PCDHA12: variants seen among roughly 807,000 people sequenced by gnomAD.
PCDHA12 encodes protocadherin alpha 12, also known as protocadherin alpha-12.
In PCDHA12, 44 loss-of-function variants were observed where a neutral mutation model predicts 60.0. The ratio of observed to expected loss-of-function variants is 0.73; its 90% CI spans 0.58 to 0.94. The LOEUF is 0.94. PCDHA12 is among the 40% of genes least tolerant of loss of function. The pLI is 0.00. For synonymous variants in PCDHA12, 569 were observed against 553.0 expected (o/e 1.03, Z -0.40); for missense variants, 1,276 against 1,239.7 (o/e 1.03, Z -0.44).
chr5:140,881,350 T>C, intron 1 of PCDHA12: 1 of 985,354 alleles, frequency 1.0e-6, no homozygotes, highest in Non-Finnish European at 1.2e-6. Flanking sequence ...CGGGCTACAA[T>C]GCGTGGCTTT....
At chr5:140,946,976 G>A (rs2094064804) in intron 1 of PCDHA12, among the ~76,000 whole-genome samples, 1 of 151,532 alleles carries the variant, frequency 6.6e-6, no homozygotes, top group Admixed American at 6.6e-5. Context: ...ATAGAATAGA[G>A]GATTTTGAGT....
chr5:140,893,709 G>T lies in PCDHA12; in HGVS notation c.2367+15870G>T, dbSNP rs141117049. ...ATCTCATTCTATCCTAGCCTGTAAA[G>T]CTTCTGCTGAGAAATCTGCTGTTAG... is the stretch of plus-strand genomic sequence containing the variant. On this transcript the variant is annotated intron_variant, in intron 1 of 3. Transcript: ENST00000398631. 2.6e-3 allele frequency among the ~76,000 whole-genome samples: 396 copies of T among 152,250 alleles called. 2 individuals carry two copies. Among genetic ancestry groups the T allele is most frequent in the African/African-American group, 9.2e-3 (384 of 41,542 alleles).
At chr5:140,970,332 G>A (rs1236073527) in intron 1 of PCDHA12, among the ~76,000 whole-genome samples, 12 of 152,138 alleles carry the variant, frequency 7.9e-5, no homozygotes, top group Admixed American at 2.6e-4. Flanking sequence ...TCCAAAGCAT[G>A]CATTCATTTT....
intron 1 of PCDHA12, among the ~76,000 whole-genome samples, chr5:140,942,264 G>T (rs868983277): frequency 5.9e-5 from 9 of 152,122 alleles, no homozygotes; most frequent in Non-Finnish European, 1.2e-4. Flanking sequence ...GATATCTAAA[G>T]CTGGTAATGG....
intron 1 of PCDHA12, among the ~76,000 whole-genome samples, chr5:140,963,771 G>A (rs2095789886): frequency 6.6e-6 from 1 of 152,164 alleles, no homozygotes; most frequent in South Asian, 2.1e-4. Context: ...ATTTCATGAC[G>A]ACAGCAACAA....
At chr5:140,943,688 G>A (rs2093547294) in intron 1 of PCDHA12, among the ~76,000 whole-genome samples, 1 of 152,170 alleles carries the variant, frequency 6.6e-6, no homozygotes. Context: ...AAGGGATAAG[G>A]TCAAAATATT....
In PCDHA12 at chr5:140,967,673, C is replaced by T. The variant is rs1563368144; in HGVS notation, c.2368-11276C>T. On this transcript the variant is annotated intron_variant, in intron 1 of 3. Transcript: ENST00000398631. ...CTCCTTGAGCAGCTACACGTCGGAC[C>T]GGGAGAGGCAGCTCTTCAGCATAGA... The T allele has an allele frequency of 2.5e-6, 4 of 1,614,130 alleles. No homozygotes were observed. In the East Asian group the frequency reaches 6.7e-5, roughly 27 times the overall value.
At chr5:140,926,441 A>T (rs1476576189) in intron 1 of PCDHA12, 1 of 154,800 alleles carries the variant, frequency 6.5e-6, no homozygotes, top group Non-Finnish European at 1.4e-5. Context: ...AGATCTGGGC[A>T]GCCTCAGGGC....
chr5:140,938,092 A>G (rs1255638035), intron 1 of PCDHA12, among the ~76,000 whole-genome samples: 4 of 152,034 alleles, frequency 2.6e-5, no homozygotes, highest in African/African-American at 9.7e-5. Context: ...TAGTTTTATT[A>G]TTGTATTTTT....
chr5:140,951,583 C>T (rs939168963), intron 1 of PCDHA12, among the ~76,000 whole-genome samples: 3 of 152,034 alleles, frequency 2.0e-5, no homozygotes, highest in Non-Finnish European at 4.4e-5. Flanking sequence ...CCAGATTTCA[C>T]GAGATCTCTC....
intron 3 of PCDHA12, among the ~76,000 whole-genome samples, chr5:141,000,339 A>ATC (rs1414297743): frequency 9.8e-6 from 1 of 102,338 alleles, no homozygotes; most frequent in Non-Finnish European, 2.1e-5. Context: ...GCAAGGCCCT[A>ATC]TCTCTCTCTC....
At chr5:140,935,760 T>C (rs1320272382) in intron 1 of PCDHA12, among the ~76,000 whole-genome samples, 1 of 152,152 alleles carries the variant, frequency 6.6e-6, no homozygotes, top group Non-Finnish European at 1.5e-5. Flanking sequence ...TACACATTCT[T>C]CCCCACTTTG....
At chr5:140,882,424 G>C in intron 1 of PCDHA12, 1 of 1,614,114 alleles carries the variant, frequency 6.2e-7, no homozygotes, top group Non-Finnish European at 8.5e-7. Context: ...CTCAGGACCT[G>C]GGGCTGGAGC....
chr5:140,884,308 G>T, intron 1 of PCDHA12: 1 of 1,613,766 alleles, frequency 6.2e-7, no homozygotes. Flanking sequence ...AGGCTTCGTC[G>T]AGGGCGTCGG....
chr5:140,934,587 T>C (rs1316719317), intron 1 of PCDHA12, among the ~76,000 whole-genome samples: 1 of 152,176 alleles, frequency 6.6e-6, no homozygotes, highest in Non-Finnish European at 1.5e-5. Flanking sequence ...ATTTCTGTAA[T>C]GGGTCTTCAA....
intron 1 of PCDHA12, chr5:140,967,835 G>T: frequency 6.2e-7 from 1 of 1,614,142 alleles, no homozygotes; most frequent in Non-Finnish European, 8.5e-7. Flanking sequence ...GGACATCGTG[G>T]ACGTGAATGA....
At chr5:140,882,713 G>T (rs1554175318) in intron 1 of PCDHA12, 6 of 1,614,198 alleles carry the variant, frequency 3.7e-6, no homozygotes, top group African/African-American at 1.3e-5. Context: ...TAGACCTCCG[G>T]AAACTCGATT....
chr5:140,895,631 C>T (rs1227407918), intron 1 of PCDHA12, among the ~76,000 whole-genome samples: 4 of 152,106 alleles, frequency 2.6e-5, no homozygotes, highest in African/African-American at 9.7e-5. Context: ...TGTCTTTTCA[C>T]ATTCTTTTTT....
intron 1 of PCDHA12, among the ~76,000 whole-genome samples, chr5:140,947,840 T>C (rs1554218335): frequency 6.6e-6 from 1 of 151,630 alleles, no homozygotes; most frequent in Non-Finnish European, 1.5e-5. Context: ...TAATATTTGT[T>C]TATTTATTTT....
Sources: allele counts gnomAD v4.1 joint callset (sites outside exome capture counted in the v4.1 genomes callset), GRCh38; gene constraint gnomAD v4.1.1; transcripts MANE v1.5; gene names NCBI Gene and HGNC (gene_info 2026-07-23, HGNC 2026-07-21).